KLHL14: variants seen among roughly 807,000 people sequenced by gnomAD.
KLHL14 encodes kelch-like protein 14.
A neutral mutation model predicts 64.3 loss-of-function variants in KLHL14; 22 were observed. The observed-to-expected ratio is 0.34, with a 90% CI of 0.24 to 0.49. The LOEUF (loss-of-function observed/expected upper bound fraction) is 0.49, where lower values mean the gene tolerates loss of function less well. Among genes scored for constraint, KLHL14 ranks in the 20% least tolerant of loss-of-function variants. The pLI is 0.99. For synonymous variants in KLHL14, 322 were observed against 333.4 expected, an observed-to-expected ratio of 0.97 and a Z score of 0.37; for missense variants, 661 against 789.0, an observed-to-expected ratio of 0.84 and a Z score of 1.94.
chr18:32,768,549 G>A (rs1302764327), intron 2 of KLHL14, among the ~76,000 whole-genome samples: 4 of 152,020 alleles, frequency 2.6e-5, no homozygotes, highest in Non-Finnish European at 4.4e-5. Context: ...GTAACACTTT[G>A]GTGGTTAGGC....
intron 2 of KLHL14, among the ~76,000 whole-genome samples, chr18:32,757,415 C>T (rs1413034417): frequency 6.6e-6 from 1 of 152,160 alleles, no homozygotes; most frequent in African/African-American, 2.4e-5. Flanking sequence ...TGAAGCCCTC[C>T]ATTGAATCTC....
intron 3 of KLHL14, among the ~76,000 whole-genome samples, chr18:32,700,156 C>T (rs2049957900): frequency 6.6e-6 from 1 of 151,960 alleles, no homozygotes; most frequent in African/African-American, 2.4e-5. Context: ...CTTTGCAACC[C>T]CCAAATTTTC....
At chr18:32,701,571 G>A (rs1186827389) in intron 3 of KLHL14, among the ~76,000 whole-genome samples, 1 of 152,160 alleles carries the variant, frequency 6.6e-6, no homozygotes, top group East Asian at 1.9e-4. Context: ...AATAAGCATG[G>A]TGGATTTTAT....
chr18:32,699,118 C>T (rs1365781100), intron 3 of KLHL14, among the ~76,000 whole-genome samples: 1 of 152,034 alleles, frequency 6.6e-6, no homozygotes, highest in Non-Finnish European at 1.5e-5. Flanking sequence ...AGTCTTTTAC[C>T]CCTCCTTCTA....
At chr18:32,705,499 G>A (rs1411702241) in intron 3 of KLHL14, among the ~76,000 whole-genome samples, 1 of 152,078 alleles carries the variant, frequency 6.6e-6, no homozygotes, top group African/African-American at 2.4e-5. Flanking sequence ...TAGGCAGGTG[G>A]ATCACTTGAG....
At chr18:32,704,933 A>G (rs563220893) in intron 3 of KLHL14, among the ~76,000 whole-genome samples, 1 of 152,324 alleles carries the variant, frequency 6.6e-6, no homozygotes, top group Non-Finnish European at 1.5e-5. Flanking sequence ...TAGAAGAGCA[A>G]TAGATGCTCC....
Position 32,680,087 on chromosome 18 carries a change from T to C in KLHL14, c.1588+82A>G. 1 of 1,369,352 alleles carries C rather than the reference T, an allele frequency of 7.3e-7. No homozygotes were observed. Among genetic ancestry groups the C allele is most frequent in the Admixed American group, 2.1e-5 (1 of 47,858 alleles). The allele number at this position is 1,369,352 out of a possible 1,614,324, so 84.8% of individuals were successfully genotyped here. A position where few individuals can be genotyped will look rare whatever the true frequency, so the allele number is the denominator to read the frequency against. On this transcript the variant is annotated intron_variant, in intron 7 of 8. Transcript: ENST00000359358. The surrounding 1 kb of genome is among the most constrained non-coding windows in gnomAD (Gnocchi z 4.8). ...TGTTTTTTACTTGGTTAACTATGAT[T>C]ATCTAAGGAGAAACCCCCTTAGCGA...
At chr18:32,678,615 T>C (rs950780647) in intron 7 of KLHL14, among the ~76,000 whole-genome samples, 4 of 152,200 alleles carry the variant, frequency 2.6e-5, no homozygotes, top group African/African-American at 7.2e-5. Context: ...TGAAGATATA[T>C]GTGCCTTCTC....
At chr18:32,750,058 ACACGTGTGTGCTCTCCTCTCTCTTCTT>A (rs2050243648) in intron 2 of KLHL14, among the ~76,000 whole-genome samples, 1 of 151,336 alleles carries the variant, frequency 6.6e-6, no homozygotes, top group Non-Finnish European at 1.5e-5. Context: ...AGAGGAGAGC[ACACGTGTGTGCTCTCCTCTCTCTTCTT>A]ATAAAGCCGC....
In KLHL14 at chr18:32,716,761, T is replaced by A. The variant is rs1014183429; in HGVS notation, c.1070-21209A>T. Among the ~76,000 whole-genome samples, 39 of 152,252 alleles carry A rather than the reference T, an allele frequency of 2.6e-4. 2 individuals carry two copies. Among genetic ancestry groups the A allele is most frequent in the Non-Finnish European group, 1.5e-5 (1 of 68,052 alleles). On this transcript the variant is annotated intron_variant, in intron 3 of 8. Transcript: ENST00000359358. ...TGGCAATCAATTTTGTACCTTCATT[T>A]CATATAGTTGATATTTAAAAATTGA...
chr18:32,739,142 G>A (rs2050182183), intron 3 of KLHL14, among the ~76,000 whole-genome samples: 1 of 152,076 alleles, frequency 6.6e-6, no homozygotes. Flanking sequence ...CAATAAATAA[G>A]TAGACCCCAA....
chr18:32,762,015 C>T (rs76768320), intron 2 of KLHL14, among the ~76,000 whole-genome samples: 2,354 of 152,070 alleles, frequency 0.015, 155 homozygotes, highest in East Asian at 0.11. Flanking sequence ...TGTTTATCTC[C>T]TTATATTCAC....
intron 3 of KLHL14, among the ~76,000 whole-genome samples, chr18:32,731,701 C>G (rs550749890): frequency 1.4e-4 from 22 of 151,770 alleles, no homozygotes; most frequent in African/African-American, 4.8e-4. Context: ...CCATCCTGTT[C>G]TATGAGATCT....
Position 32,769,866 on chromosome 18 carries a change from G to T in KLHL14, c.726C>A (p.Ser242=). Residue 242 remains serine (S), a synonymous_variant, in exon 2 of 9, where the codon TCC becomes TCA. Transcript: ENST00000359358. ...CGCGGTCGTGCTCCAGCCACAGCAC[G>T]GACATCTGGAAGAGCGCCAGCTCCG... ...VESELALFQM[S]VLWLEHDRET... is the part of the protein sequence containing the mutation. The T allele has an allele frequency of 6.2e-7, 1 of 1,613,984 alleles. No homozygotes were observed. Among genetic ancestry groups the T allele is most frequent in the South Asian group, 1.1e-5 (1 of 91,082 alleles).
chr18:32,761,967 A>C (rs912429120), intron 2 of KLHL14, among the ~76,000 whole-genome samples: 1 of 152,166 alleles, frequency 6.6e-6, no homozygotes. Flanking sequence ...GTCAAATTAC[A>C]TGGGAATTAA....
chr18:32,716,129 T>C (rs929746680), intron 3 of KLHL14, among the ~76,000 whole-genome samples: 16 of 152,346 alleles, frequency 1.1e-4, no homozygotes, highest in Admixed American at 6.5e-4. Context: ...TTTCTTGGAT[T>C]ATAATGATAA....
chr18:32,734,086 C>T (rs150179482), intron 3 of KLHL14: 67 of 688,228 alleles, frequency 9.7e-5, no homozygotes, highest in African/African-American at 1.2e-4. Context: ...GAGGTGAGAG[C>T]GCTTTGAGCA....
chr18:32,710,614 A>G (rs9953979), intron 3 of KLHL14, among the ~76,000 whole-genome samples: 44,818 of 152,126 alleles, frequency 0.29, 6,886 homozygotes, highest in African/African-American at 0.37. Flanking sequence ...TAATTTATAT[A>G]CACATGTAAA....
chr18:32,681,679 T>A (rs2049839539), intron 5 of KLHL14, among the ~76,000 whole-genome samples: 2 of 152,204 alleles, frequency 1.3e-5, no homozygotes, highest in Admixed American at 1.3e-4. Flanking sequence ...TTATATTTAA[T>A]GAATTAATGA....
Sources: allele counts gnomAD v4.1 joint callset (sites outside exome capture counted in the v4.1 genomes callset), GRCh38; gene constraint gnomAD v4.1.1; non-coding constraint Gnocchi (gnomAD v3.1); transcripts MANE v1.5; gene names NCBI Gene and HGNC (gene_info 2026-07-23, HGNC 2026-07-21).